Variants in JMJD1C observed in about 807,000 individuals in gnomAD.
JMJD1C encodes the protein jumonji domain containing 1C.
Under a neutral mutation model 245.3 loss-of-function variants are expected in JMJD1C, and 31 were observed. The ratio of observed to expected loss-of-function variants is 0.13; its 90% confidence interval spans 0.09 to 0.17. The LOEUF (loss-of-function observed/expected upper bound fraction) is 0.17, where lower values mean the gene tolerates loss of function less well. JMJD1C is among the 10% of genes least tolerant of loss of function. The pLI, the probability that JMJD1C is intolerant of heterozygous loss-of-function variation, is 1.00. For missense variants in JMJD1C, 2,691 were observed against 3,000.2 expected (o/e 0.90, Z 2.41); for synonymous variants, 1,057 against 1,017.4 (o/e 1.04, Z -0.74).
intron 1 of JMJD1C, among the ~76,000 whole-genome samples, chr10:63,432,308 T>C (rs537836310): frequency 2.6e-5 from 4 of 152,308 alleles, no homozygotes; most frequent in Non-Finnish European, 4.4e-5. Context: ...TCACCTTTGT[T>C]TGGGGAGGCA....
At chr10:63,450,517 T>C (rs1260355682) in intron 1 of JMJD1C, among the ~76,000 whole-genome samples, 2 of 152,114 alleles carry the variant, frequency 1.3e-5, no homozygotes, top group African/African-American at 2.4e-5. Flanking sequence ...AATGCGAGGA[T>C]GGTTCAACAC....
At chr10:63,171,791 G>C (rs999704768) in intron 24 of JMJD1C, among the ~76,000 whole-genome samples, 30 of 152,098 alleles carry the variant, frequency 2.0e-4, no homozygotes, top group African/African-American at 7.2e-4. Flanking sequence ...TACTGATTTA[G>C]AGTCTGATTA....
At chr10:63,327,016 ATC>A (rs1941597974) in intron 2 of JMJD1C, among the ~76,000 whole-genome samples, 1 of 152,014 alleles carries the variant, frequency 6.6e-6, no homozygotes, top group Non-Finnish European at 1.5e-5. Flanking sequence ...GTGAGACCCC[ATC>A]TCTACAAAAA....
intron 1 of JMJD1C, among the ~76,000 whole-genome samples, chr10:63,491,047 C>G (rs1293201670): frequency 1.3e-5 from 2 of 152,122 alleles, no homozygotes; most frequent in South Asian, 4.1e-4. Flanking sequence ...ACTGAGATGA[C>G]GAATTGTTGT....
At chr10:63,518,793 C>G (rs1955109041) in intron 1 of JMJD1C, among the ~76,000 whole-genome samples, 1 of 152,212 alleles carries the variant, frequency 6.6e-6, no homozygotes, top group Admixed American at 6.5e-5. Context: ...TTGTTAGCTC[C>G]AATCATTACA....
intron 3 of JMJD1C, among the ~76,000 whole-genome samples, chr10:63,257,585 C>G (rs1221212391): frequency 6.6e-6 from 1 of 152,178 alleles, no homozygotes; most frequent in Non-Finnish European, 1.5e-5. Context: ...TACAAAGTGT[C>G]TTCCCAGAGC....
intron 3 of JMJD1C, among the ~76,000 whole-genome samples, chr10:63,246,299 C>T (rs1055805274): frequency 3.0e-4 from 45 of 151,994 alleles, no homozygotes; most frequent in Admixed American, 8.5e-4. Flanking sequence ...AGGTCAAAAA[C>T]GAAGAGAGGA....
intron 1 of JMJD1C, among the ~76,000 whole-genome samples, chr10:63,429,889 C>G (rs954774943): frequency 6.6e-6 from 1 of 152,276 alleles, no homozygotes; most frequent in Middle Eastern, 3.4e-3. Flanking sequence ...TTCAACAAAC[C>G]TATTCAGAGT....
At chr10:63,321,566 G>GA (rs1421792222) in intron 2 of JMJD1C, among the ~76,000 whole-genome samples, 2 of 152,268 alleles carry the variant, frequency 1.3e-5, no homozygotes, top group East Asian at 3.9e-4. Context: ...GTCGACAGTG[G>GA]AAAAAACAAT....
chr10:63,221,021 G>C (rs1848538896), intron 3 of JMJD1C, among the ~76,000 whole-genome samples: 1 of 150,898 alleles, frequency 6.6e-6, no homozygotes, highest in Non-Finnish European at 1.5e-5. Context: ...TGAGGCAGGA[G>C]AATGGTGTGA....
At chr10:63,394,238 T>C (rs988575100) in intron 1 of JMJD1C, among the ~76,000 whole-genome samples, 1 of 141,720 alleles carries the variant, frequency 7.1e-6, no homozygotes, top group Non-Finnish European at 1.5e-5. Context: ...CAAAAAAAAC[T>C]AGACACACAG....
intron 1 of JMJD1C, among the ~76,000 whole-genome samples, chr10:63,405,203 G>GT (rs561004820): frequency 3.0e-4 from 45 of 151,992 alleles, no homozygotes; most frequent in African/African-American, 8.7e-4. Context: ...TATTAAATAT[G>GT]TTTTTCAGAT....
intron 1 of JMJD1C, among the ~76,000 whole-genome samples, chr10:63,430,260 A>G (rs745577440): frequency 6.6e-6 from 1 of 152,254 alleles, no homozygotes; most frequent in African/African-American, 2.4e-5. Context: ...ACATATAAGA[A>G]TATCTTTGTG....
chr10:63,391,292 T>G (rs1948033626), intron 1 of JMJD1C, among the ~76,000 whole-genome samples: 1 of 152,114 alleles, frequency 6.6e-6, no homozygotes, highest in African/African-American at 2.4e-5. Flanking sequence ...GGGTGGATCA[T>G]GAGGTCAGGA....
chr10:63,478,513 A>G (rs1317652845), intron 1 of JMJD1C, among the ~76,000 whole-genome samples: 4 of 152,144 alleles, frequency 2.6e-5, no homozygotes, highest in African/African-American at 9.7e-5. Flanking sequence ...CACCCTCAGA[A>G]CTCACTAGAG....
chr10:63,512,711 T>C (rs1014652267), intron 1 of JMJD1C, among the ~76,000 whole-genome samples: 4 of 152,224 alleles, frequency 2.6e-5, no homozygotes, highest in Admixed American at 2.6e-4. Context: ...CTGAGCTTCC[T>C]GGATCTGTAG....
intron 1 of JMJD1C, among the ~76,000 whole-genome samples, chr10:63,462,070 T>C (rs533876935): frequency 8.3e-4 from 126 of 152,194 alleles, no homozygotes; most frequent in Middle Eastern, 3.4e-3. Context: ...AACTCAGTAA[T>C]GGGGCTAAAA....
chr10:63,409,273 C>A (rs1432203184), intron 1 of JMJD1C, among the ~76,000 whole-genome samples: 1 of 152,158 alleles, frequency 6.6e-6, no homozygotes, highest in Non-Finnish European at 1.5e-5. Flanking sequence ...AGGGATGGAA[C>A]TGGCAACCAA....
intron 1 of JMJD1C, among the ~76,000 whole-genome samples, chr10:63,411,801 A>G (rs1458914437): frequency 6.8e-6 from 1 of 146,732 alleles, no homozygotes; most frequent in Non-Finnish European, 1.5e-5. Context: ...ACAGGGTTTC[A>G]CCATGTTAGC....
Sources: gnomAD v4.1 joint callset for allele counts (sites outside exome capture counted in the v4.1 genomes callset) on GRCh38, gnomAD v4.1.1 for gene constraint, MANE v1.5 for transcripts, NCBI Gene and HGNC (gene_info 2026-07-23, HGNC 2026-07-21) for gene names.